Variants in CUX1 observed in about 807,000 individuals in gnomAD.
CUX1 encodes protein CASP.
Under a neutral mutation model 158.8 loss-of-function variants are expected in CUX1, and 31 were observed. The ratio of observed to expected loss-of-function variants is 0.20; its 90% CI spans 0.15 to 0.26. The LOEUF (loss-of-function observed/expected upper bound fraction) is 0.26, where lower values mean the gene tolerates loss of function less well. CUX1 is among the 10% of genes least tolerant of loss of function. CUX1 has a pLI of 1.00. For missense variants in CUX1, 1,589 were observed against 2,014.6 expected, an observed-to-expected ratio of 0.79 and a Z score of 4.04; for synonymous variants, 879 against 862.1, an observed-to-expected ratio of 1.02 and a Z score of -0.34.
chr7:102,237,229 GTTTAT>G (rs1390990997), intron 22 of CUX1, among the ~76,000 whole-genome samples: 5 of 152,172 alleles, frequency 3.3e-5, no homozygotes, highest in African/African-American at 4.8e-5. Flanking sequence ...TGCCTAAGCT[GTTTAT>G]TTTATTTTTT....
At chr7:102,102,753 G>C (rs1253822962) in intron 5 of CUX1, among the ~76,000 whole-genome samples, 1 of 152,204 alleles carries the variant, frequency 6.6e-6, no homozygotes, top group Non-Finnish European at 1.5e-5. Context: ...TAGATCTGTA[G>C]CAGCGGGCGA....
chr7:101,981,774 C>T (rs1214093407), intron 2 of CUX1, among the ~76,000 whole-genome samples: 3 of 152,118 alleles, frequency 2.0e-5, no homozygotes, highest in Non-Finnish European at 2.9e-5. Context: ...CCACGCCCAG[C>T]TAATGTTTGT....
rs1824723298 is a variant in CUX1, at chr7:102,060,608, A to ACACACACACACACACACACAC, written c.190-9731_190-9730insCACACACACACACACACACAC. Among the ~76,000 whole-genome samples the ACACACACACACACACACACAC allele has an allele frequency of 3.0e-5, 4 of 133,306 alleles. No individual in the cohort carries two copies. In the East Asian group the frequency reaches 9.2e-4, roughly 31 times the overall value. The allele number at this position is 133,306 out of a possible 152,430, so 87.5% of individuals were successfully genotyped here. On this transcript the variant is annotated intron_variant, in intron 3 of 23. Transcript: ENST00000292535. ...ATATATATATACACACACACAAATA[A>ACACACACACACACACACACAC]ACACACACACACACACACACACACA... is the stretch of plus-strand genomic sequence containing the variant.
intron 3 of CUX1, among the ~76,000 whole-genome samples, chr7:102,042,243 C>G (rs1382742704): frequency 1.3e-5 from 2 of 152,146 alleles, no homozygotes; most frequent in African/African-American, 2.4e-5. Context: ...TCACATGTTT[C>G]CAGAAATACA....
intron 9 of CUX1, 47 bp downstream of exon 9, chr7:102,158,655 CG>C: frequency 6.3e-7 from 1 of 1,584,246 alleles, no homozygotes; most frequent in Non-Finnish European, 8.7e-7. Context: ...ATAGCGGGCC[CG>C]TTTCTGGCAT....
At chr7:101,863,198 A>G (rs1356076914) in intron 1 of CUX1, among the ~76,000 whole-genome samples, 1 of 152,168 alleles carries the variant, frequency 6.6e-6, no homozygotes, top group African/African-American at 2.4e-5. Context: ...ATTCATCAAT[A>G]TCAGCTATCC....
chr7:102,234,478 C>G (rs1177410204), intron 22 of CUX1, among the ~76,000 whole-genome samples: 1 of 152,134 alleles, frequency 6.6e-6, no homozygotes, highest in African/African-American at 2.4e-5. Flanking sequence ...ACTGGGAGCA[C>G]TTTTAACCAA....
At chr7:102,188,067 T>C (rs1159163895) in intron 11 of CUX1, among the ~76,000 whole-genome samples, 4 of 151,874 alleles carry the variant, frequency 2.6e-5, no homozygotes, top group African/African-American at 9.7e-5. Flanking sequence ...GGTGTGGTGA[T>C]GTGCATCTGT....
chr7:102,236,666 G>A (rs1300081983), intron 22 of CUX1, among the ~76,000 whole-genome samples: 1 of 152,114 alleles, frequency 6.6e-6, no homozygotes, highest in Non-Finnish European at 1.5e-5. Context: ...AGAGTTTCCC[G>A]TGATCCCCTC....
chr7:102,084,858 CTTTTTT>C, intron 4 of CUX1, among the ~76,000 whole-genome samples: 1 of 56,054 alleles, frequency 1.8e-5, no homozygotes, highest in African/African-American at 6.6e-5. Flanking sequence ...ATTTTCCTTG[CTTTTTT>C]TTTTTTTTTT....
chr7:102,197,921 C>A (rs1554518823), intron 15 of CUX1, among the ~76,000 whole-genome samples: 2 of 152,064 alleles, frequency 1.3e-5, no homozygotes, highest in African/African-American at 4.8e-5. Flanking sequence ...TCTACCCCAC[C>A]CTCCGTAAAA....
At chr7:102,207,698 C>T (rs1466615002) in intron 20 of CUX1, among the ~76,000 whole-genome samples, 2 of 152,188 alleles carry the variant, frequency 1.3e-5, no homozygotes, top group Admixed American at 1.3e-4. Context: ...GTGATCCCCC[C>T]ACCTTGGCCT....
chr7:102,249,764 G>T lies in CUX1; in HGVS notation c.*722G>T. 1 of 985,730 alleles carries T rather than the reference G, an allele frequency of 1.0e-6. No homozygotes were observed. The highest frequency in any genetic ancestry group is 1.2e-6 in the Non-Finnish European group (1 of 829,862). The allele number at this position is 985,730 out of a possible 1,614,324, so 61.1% of individuals were successfully genotyped here. On this transcript the variant is annotated 3_prime_UTR_variant, in exon 24 of 24. Coordinates refer to ENST00000292535, the MANE Select transcript of CUX1 (RefSeq NM_181552.4). ...CACTAAGAGATTGCACAGTCAAAAC[G>T]ACTCTAAACACACTAGTTTGGATTC...
intron 17 of CUX1, among the ~76,000 whole-genome samples, chr7:102,200,960 G>T (rs1220604362): frequency 2.7e-5 from 4 of 149,170 alleles, no homozygotes; most frequent in African/African-American, 7.5e-5. Context: ...GAGGTGGAGG[G>T]TGGGTACAGT....
At chr7:102,134,851 C>T (rs112983273) in intron 8 of CUX1, among the ~76,000 whole-genome samples, 1 of 152,296 alleles carries the variant, frequency 6.6e-6, no homozygotes, top group Non-Finnish European at 1.5e-5. Context: ...CCACCTCTCC[C>T]TCCCGAAGTT....
At chr7:101,892,066 T>G (rs1331074035) in intron 1 of CUX1, among the ~76,000 whole-genome samples, 2 of 152,222 alleles carry the variant, frequency 1.3e-5, no homozygotes, top group African/African-American at 4.8e-5. Flanking sequence ...AAAGGCTTGT[T>G]GAATGAATCA....
intron 1 of CUX1, among the ~76,000 whole-genome samples, chr7:101,841,103 C>T (rs995192298): frequency 6.6e-6 from 1 of 152,054 alleles, no homozygotes. Flanking sequence ...CCGTGTTAGG[C>T]AGGATGGTCT....
chr7:101,817,228 C>T (rs1372778937), upstream of CUX1: 4 of 984,726 alleles, frequency 4.1e-6, no homozygotes, highest in African/African-American at 1.7e-5. The surrounding 1 kb of genome is among the most constrained non-coding windows in gnomAD (Gnocchi z 4.1). Context: ...CGCCGCCGGT[C>T]CGAGCCGCGA....
intron 8 of CUX1, among the ~76,000 whole-genome samples, chr7:102,152,897 A>C (rs1554503978): frequency 6.6e-6 from 1 of 152,184 alleles, no homozygotes; most frequent in East Asian, 1.9e-4. Context: ...AAGCCTGGGG[A>C]AAGAGAGTTG....
Sources: gnomAD v4.1 joint callset for allele counts (sites outside exome capture counted in the v4.1 genomes callset) on GRCh38, gnomAD v4.1.1 for gene constraint, Gnocchi (gnomAD v3.1) non-coding constraint, MANE v1.5 for transcripts, NCBI Gene and HGNC (gene_info 2026-07-23, HGNC 2026-07-21) for gene names.